IFT81: variants seen among roughly 807,000 people sequenced by gnomAD.
The protein encoded by IFT81 is intraflagellar transport 81, also known as intraflagellar transport protein 81 homolog.
Under a neutral mutation model 102.6 loss-of-function variants are expected in IFT81, and 72 were observed. That is an observed-to-expected ratio of 0.70 (90% CI 0.58 to 0.85). The LOEUF (loss-of-function observed/expected upper bound fraction) is 0.85, where lower values mean the gene tolerates loss of function less well. Ranked by LOEUF, IFT81 falls within the 40% of genes least tolerant of loss-of-function variation. IFT81 has a pLI of 0.00. For missense variants in IFT81, 723 were observed against 787.3 expected, an observed-to-expected ratio of 0.92 and a Z score of 0.98; for synonymous variants, 237 against 242.7, an observed-to-expected ratio of 0.98 and a Z score of 0.22.
At chr12:110,167,318 T>G (rs1896492574) in intron 11 of IFT81, among the ~76,000 whole-genome samples, 1 of 152,240 alleles carries the variant, frequency 6.6e-6, no homozygotes, top group Non-Finnish European at 1.5e-5. Context: ...ATTTTTCTCT[T>G]ATCTGCCAGA....
At chr12:110,142,859 T>C (rs1010338543) in intron 8 of IFT81, among the ~76,000 whole-genome samples, 12 of 152,114 alleles carry the variant, frequency 7.9e-5, no homozygotes, top group Admixed American at 3.9e-4. Context: ...GCTGAGATAG[T>C]GCCACTACAC....
chr12:110,168,812 A>G (rs1320060824), intron 11 of IFT81: 1 of 152,234 alleles, frequency 6.6e-6, no homozygotes. Context: ...TCAGAAAAAA[A>G]TTAACATGCA....
In IFT81 at chr12:110,127,520, C is replaced by T; in HGVS notation, c.140C>T (p.Pro47Leu). 1 of 1,590,228 alleles carries T rather than the reference C, an allele frequency of 6.3e-7. No individual in the cohort carries two copies. The change falls in exon 2 of 19, where the codon CCA becomes CTA. Residue 47 changes from proline to leucine, a missense_variant. Transcript: ENST00000242591. ...AGTGATGTTCTGGCTGAGATTGACC[C>T]AAAGGTAAGAGTTTTCTCTTTCTTT... ...VLSDVLAEID[P>L]KQLVDIREEM...
chr12:110,167,213 A>T (rs1464499506), intron 11 of IFT81, among the ~76,000 whole-genome samples: 1 of 152,128 alleles, frequency 6.6e-6, no homozygotes, highest in Admixed American at 6.5e-5. Flanking sequence ...TAAAAGACGA[A>T]GTTTCTGGAA....
intron 10 of IFT81, among the ~76,000 whole-genome samples, chr12:110,156,646 AC>A (rs1301504673): frequency 6.6e-6 from 1 of 151,896 alleles, no homozygotes. Context: ...ACAGGTGTGC[AC>A]CACCACGCCC....
At chr12:110,142,638 C>T (rs547820605) in intron 8 of IFT81, among the ~76,000 whole-genome samples, 26 of 152,038 alleles carry the variant, frequency 1.7e-4, no homozygotes, top group Admixed American at 1.2e-3. Context: ...CACCTGTAAT[C>T]CCAGCACTTT....
rs146941332 is a variant in IFT81 at position 110,188,450 on chromosome 12, A to G, written c.1339-2470A>G. ...GTAATGCCTAAAGAGGAAAATGCAT[A>G]CAGAATCTGGGGCTAATTCTCTGTA... is the stretch of plus-strand genomic sequence containing the variant. On this transcript the variant is annotated intron_variant, in intron 12 of 18. Transcript: ENST00000242591. Among the ~76,000 whole-genome samples the G allele has an allele frequency of 3.0e-4, 46 of 151,970 alleles. No homozygotes were observed. In the Middle Eastern group the frequency reaches 0.024, roughly 79 times the overall value.
chr12:110,201,341 G>A (rs957723685), intron 14 of IFT81, among the ~76,000 whole-genome samples: 10 of 151,156 alleles, frequency 6.6e-5, no homozygotes, highest in Non-Finnish European at 1.0e-4. Flanking sequence ...GGCAGAGGTT[G>A]TAGTGAGCCA....
At chr12:110,132,879 C>A (rs1389664896) in intron 5 of IFT81, among the ~76,000 whole-genome samples, 2 of 152,002 alleles carry the variant, frequency 1.3e-5, no homozygotes, top group Non-Finnish European at 1.5e-5. Context: ...ATCTACTATT[C>A]CTCCATTATG....
intron 8 of IFT81, among the ~76,000 whole-genome samples, chr12:110,141,637 T>C (rs1894897115): frequency 6.6e-6 from 1 of 152,156 alleles, no homozygotes; most frequent in Non-Finnish European, 1.5e-5. Context: ...CCCAGCACTT[T>C]GGGAGGCCCA....
At chr12:110,163,260 G>A (rs1315530835) in intron 11 of IFT81, among the ~76,000 whole-genome samples, 195 bp downstream of exon 11, 1 of 151,140 alleles carries the variant, frequency 6.6e-6, no homozygotes, top group African/African-American at 2.4e-5. Flanking sequence ...TTCTTTTTGA[G>A]ATGGAATTTC....
At chr12:110,192,213 C>T (rs531580118) in intron 13 of IFT81, among the ~76,000 whole-genome samples, 3 of 150,654 alleles carry the variant, frequency 2.0e-5, no homozygotes, top group African/African-American at 4.9e-5. Flanking sequence ...TGATTGGTGT[C>T]CATTCTGATG....
At chr12:110,202,626 T>C (rs1898350103) in intron 14 of IFT81, among the ~76,000 whole-genome samples, 1 of 151,848 alleles carries the variant, frequency 6.6e-6, no homozygotes, top group African/African-American at 2.4e-5. Context: ...CTAATTTTTT[T>C]GTATTTTTAG....
At chr12:110,177,964 G>A (rs962676616) in intron 11 of IFT81, among the ~76,000 whole-genome samples, 8 of 147,430 alleles carry the variant, frequency 5.4e-5, no homozygotes, top group African/African-American at 2.0e-4. Flanking sequence ...GCATGGTGGC[G>A]TGTGCCTGTA....
Position 110,190,919 on chromosome 12 carries a change from G to A in IFT81, c.1339-1G>A, listed in dbSNP as rs997767043. ...GTGGCCTTTTTATTTTTTACTTATA[G>A]CAAACTATGGAGGAGAAAAAGGGTA... On this transcript the variant is annotated splice_acceptor_variant, in intron 12 of 18. Transcript: ENST00000242591. LOFTEE classifies it high-confidence loss of function. The A allele has an allele frequency of 2.0e-6, 3 of 1,517,896 alleles. No homozygotes were observed. The highest frequency in any genetic ancestry group is 2.8e-5 in the African/African-American group (2 of 70,444). 94.0% of individuals were successfully genotyped at this position (1,517,896 alleles called of 1,614,324 possible).
chr12:110,153,688 G>T (rs754825541), intron 10 of IFT81, among the ~76,000 whole-genome samples: 5 of 148,356 alleles, frequency 3.4e-5, no homozygotes, highest in Non-Finnish European at 7.4e-5. Context: ...TTGGCTCACC[G>T]CAACCTCCGC....
chr12:110,150,354 G>A (rs1157980711), intron 10 of IFT81, among the ~76,000 whole-genome samples: 1 of 152,058 alleles, frequency 6.6e-6, no homozygotes, highest in Non-Finnish European at 1.5e-5. Context: ...TGGAATTACA[G>A]GTGTGAGCCA....
At chr12:110,198,465 A>C (rs370228351) in intron 14 of IFT81, among the ~76,000 whole-genome samples, 2 of 152,104 alleles carry the variant, frequency 1.3e-5, no homozygotes. Flanking sequence ...GTGTATATTT[A>C]GTTTTATTTA....
At chr12:110,187,562 G>A (rs558004064) in intron 12 of IFT81, among the ~76,000 whole-genome samples, 1 of 152,186 alleles carries the variant, frequency 6.6e-6, no homozygotes, top group East Asian at 1.9e-4. Flanking sequence ...ACTGTTCCTG[G>A]CCATGTATTT....
Sources: allele counts gnomAD v4.1 joint callset (sites outside exome capture counted in the v4.1 genomes callset), GRCh38; gene constraint gnomAD v4.1.1; transcripts MANE v1.5; gene names NCBI Gene and HGNC (gene_info 2026-07-23, HGNC 2026-07-21).